The following SMAD6 variants were observed in gnomAD, a reference collection of about 807,000 sequenced individuals.
SMAD6 encodes MAD homolog 6.
SMAD6 carries 103 observed loss-of-function variants against 39.4 expected under a neutral mutation model. The observed-to-expected ratio is 2.62, with a 90% CI of 2.23 to 3.08. The LOEUF is 3.08. Ranked by LOEUF, SMAD6 falls within the 30% of genes most tolerant of loss-of-function variation. The pLI is 0.00. For missense variants in SMAD6, 1,104 were observed against 742.9 expected, an observed-to-expected ratio of 1.49 and a Z score of -5.65; for synonymous variants, 445 against 353.3, an observed-to-expected ratio of 1.26 and a Z score of -2.91.
In SMAD6 at chr15:66,703,221, A is replaced by G; in HGVS notation, c.-38A>G. The G allele has an allele frequency of 7.5e-7, 1 of 1,327,204 alleles. No individual in the cohort carries two copies. The highest frequency in any genetic ancestry group is 9.7e-7 in the Non-Finnish European group (1 of 1,027,556). 82.2% of individuals were successfully genotyped at this position (1,327,204 alleles called of 1,614,324 possible). ...GGGAACGGACCCCCGGTAACCGGAGACCGCCTCCCCCCCACCCCTGGCGCC... is the reference window on the plus strand; with the variant it reads ...GGGAACGGACCCCCGGTAACCGGAGGCCGCCTCCCCCCCACCCCTGGCGCC... On this transcript the variant is annotated 5_prime_UTR_variant, in exon 1 of 4. Transcript: ENST00000288840.
intron 3 of SMAD6, among the ~76,000 whole-genome samples, chr15:66,729,754 G>C (rs1196757275): frequency 1.3e-5 from 2 of 152,162 alleles, no homozygotes; most frequent in South Asian, 2.1e-4. Context: ...ATTCACGACC[G>C]AGTTACCAGG....
In SMAD6 at chr15:66,703,924, G is replaced by A; in HGVS notation, c.666G>A (p.Pro222=). The change falls in exon 1 of 4, where the codon CCG becomes CCA. Residue 222 remains proline (P), a synonymous_variant. Transcript: ENST00000288840. ...DLRLGGQPAP[P]QLLLGRLFRW... ...GCCTGGGCGGCCAGCCCGCGCCGCC[G>A]CAGCTGCTGCTCGGCCGCCTCTTTC... 3 of 1,319,838 alleles carry A rather than the reference G, an allele frequency of 2.3e-6. No homozygotes were observed. The highest frequency in any genetic ancestry group is 4.3e-5 in the South Asian group (2 of 46,312). The allele number at this position is 1,319,838 out of a possible 1,614,324, so 81.8% of individuals were successfully genotyped here.
intron 3 of SMAD6, among the ~76,000 whole-genome samples, chr15:66,777,914 G>C (rs971183670): frequency 6.6e-6 from 1 of 152,192 alleles, no homozygotes; most frequent in Non-Finnish European, 1.5e-5. Flanking sequence ...GCGGCTCTAT[G>C]GGTTCATCCC....
intron 3 of SMAD6, among the ~76,000 whole-genome samples, chr15:66,769,768 A>G (rs1474448786): frequency 6.6e-6 from 1 of 152,224 alleles, no homozygotes; most frequent in Non-Finnish European, 1.5e-5. Context: ...ATAAAAGACA[A>G]TTAGAGGTGC....
intron 3 of SMAD6, among the ~76,000 whole-genome samples, chr15:66,718,848 G>A (rs937402090): frequency 3.9e-5 from 6 of 152,180 alleles, no homozygotes; most frequent in African/African-American, 9.7e-5. Context: ...GTGAAGGCAC[G>A]AGTCATTCTG....
In SMAD6 at chr15:66,716,423, C is replaced by G. The variant is rs748357055; in HGVS notation, c.877C>G (p.Leu293Val). Residue 293 changes from leucine to valine, a missense_variant and splice_region_variant, in exon 3 of 4, where the codon CTG becomes GTG. Leu to Val is a conservative substitution (Grantham distance 32). Coordinates refer to ENST00000288840, the MANE Select transcript of SMAD6 (RefSeq NM_005585.5). ...TCTCTTTTTCTTTCCTCCCACAGAT[C>G]TGTCCGATTCCACATTGTCTTACAC... ...SPRDEYKPLD[L>V]SDSTLSYTET... 6.2e-7 allele frequency: 1 copy of G among 1,611,652 alleles called. No individual in the cohort carries two copies. Among genetic ancestry groups the G allele is most frequent in the Non-Finnish European group, 8.5e-7 (1 of 1,177,792 alleles).
At chr15:66,753,397 G>A (rs1291367133) in intron 3 of SMAD6, among the ~76,000 whole-genome samples, 1 of 152,214 alleles carries the variant, frequency 6.6e-6, no homozygotes, top group East Asian at 1.9e-4. Flanking sequence ...AGCCCCAGTG[G>A]CACCTCCTTG....
chr15:66,752,566 A>G (rs1894025877), intron 3 of SMAD6, among the ~76,000 whole-genome samples: 1 of 151,994 alleles, frequency 6.6e-6, no homozygotes, highest in Non-Finnish European at 1.5e-5. Context: ...CAGGAGGATT[A>G]CTGAGGCTGG....
At chr15:66,744,743 C>T (rs779321512) in intron 3 of SMAD6, among the ~76,000 whole-genome samples, 5 of 152,174 alleles carry the variant, frequency 3.3e-5, no homozygotes, top group Non-Finnish European at 5.9e-5. Context: ...TGGTCTAGAT[C>T]CCAGCAGGAA....
At chr15:66,716,558 G>A (rs1567096511) in intron 3 of SMAD6, 60 bp downstream of exon 3, 10 of 1,251,518 alleles carry the variant, frequency 8.0e-6, no homozygotes, top group Admixed American at 3.4e-5. Flanking sequence ...GGACAGCTGC[G>A]GAGGGGGCTT....
chr15:66,780,866 C>T, intron 3 of SMAD6, 131 bp from the exon 4 acceptor site: 1 of 833,268 alleles, frequency 1.2e-6, no homozygotes, highest in Non-Finnish European at 1.8e-6. Flanking sequence ...CACACGGTGC[C>T]CACATGACTG....
intron 1 of SMAD6, among the ~76,000 whole-genome samples, chr15:66,709,262 T>A (rs1199642519): frequency 6.6e-6 from 1 of 152,244 alleles, no homozygotes; most frequent in African/African-American, 2.4e-5. Flanking sequence ...GGGAGCCTGG[T>A]GAGGTCCCTC....
chr15:66,781,445 C>G lies in SMAD6; in HGVS notation c.1401C>G (p.Ser467Arg). Residue 467 changes from serine (S) to arginine (R), a missense_variant, in exon 4 of 4, where the codon AGC becomes AGG. Ser to Arg is a moderately radical substitution (Grantham distance 110, BLOSUM62 -1). Transcript: ENST00000288840. ...GPYDPNSVRI[S>R]FAKGWGPCYS... ...ACGACCCCAACAGCGTCCGCATCAG[C>G]TTCGCCAAGGGCTGGGGGCCCTGCT... 1 of 1,605,460 alleles carries G rather than the reference C, an allele frequency of 6.2e-7. No homozygotes were observed. The highest frequency in any genetic ancestry group is 8.5e-7 in the Non-Finnish European group (1 of 1,178,264).
intron 3 of SMAD6, among the ~76,000 whole-genome samples, chr15:66,767,118 C>T (rs1403866103): frequency 2.0e-5 from 3 of 152,214 alleles, no homozygotes; most frequent in Non-Finnish European, 2.9e-5. Flanking sequence ...GAAGGAGCAT[C>T]TGATCCTGCT....
chr15:66,742,603 C>T (rs77498894), intron 3 of SMAD6, among the ~76,000 whole-genome samples: 2,168 of 152,158 alleles, frequency 0.014, 41 homozygotes, highest in East Asian at 0.077. Context: ...CCCTCTGGAC[C>T]GTAATTGGTC....
chr15:66,713,429 T>C (rs574151454), intron 2 of SMAD6, among the ~76,000 whole-genome samples: 4 of 152,274 alleles, frequency 2.6e-5, no homozygotes, highest in African/African-American at 9.6e-5. Context: ...AAGCGATTCT[T>C]CTGCCTCAGC....
At chr15:66,743,976 A>G (rs1323375282) in intron 3 of SMAD6, among the ~76,000 whole-genome samples, 7 of 152,136 alleles carry the variant, frequency 4.6e-5, no homozygotes, top group African/African-American at 1.7e-4. Context: ...AAACTATCAT[A>G]AAACATTGCC....
intron 1 of SMAD6, 105 bp downstream of exon 1, chr15:66,704,180 C>G: frequency 2.1e-6 from 2 of 956,066 alleles, no homozygotes; most frequent in Non-Finnish European, 2.8e-6. Context: ...CGGGTGCTCC[C>G]CCGGGTGCCC....
chr15:66,703,766 C>G lies in SMAD6; in HGVS notation c.508C>G (p.Gln170Glu). The G allele has an allele frequency of 7.0e-7, 1 of 1,420,264 alleles. No homozygotes were observed. The highest frequency in any genetic ancestry group is 9.3e-7 in the Non-Finnish European group (1 of 1,075,344). The allele number at this position is 1,420,264 out of a possible 1,614,324, so 88.0% of individuals were successfully genotyped here. A position where few individuals can be genotyped will look rare whatever the true frequency, so the allele number is the denominator to read the frequency against. ...GCGCTCGCGGCTGCTGCTGCTGGAGCAGGAACTCAAAACCGTCACGTACTC... is the reference window on the plus strand; with the variant it reads ...GCGCTCGCGGCTGCTGCTGCTGGAGGAGGAACTCAAAACCGTCACGTACTC... Reference protein sequence around the residue: ...EARSRLLLLEQELKTVTYSLL... With the variant: ...EARSRLLLLEEELKTVTYSLL... The change falls in exon 1 of 4, where the codon CAG (glutamine) becomes GAG (glutamate). Residue 170 changes from glutamine to glutamate, a missense_variant. Physicochemically the swap from Gln to Glu is conservative, Grantham distance 29. Transcript: ENST00000288840.
Sources: gnomAD v4.1 joint callset for allele counts (sites outside exome capture counted in the v4.1 genomes callset) on GRCh38, gnomAD v4.1.1 for gene constraint, MANE v1.5 for transcripts, NCBI Gene and HGNC (gene_info 2026-07-23, HGNC 2026-07-21) for gene names.